The following FILIP1L variants were observed in gnomAD, a reference collection of about 807,000 sequenced individuals.
FILIP1L encodes filamin A interacting protein 1 like, also known as filamin A-interacting protein 1-like.
In FILIP1L, 55 loss-of-function variants were observed where a neutral mutation model predicts 96.6. That is an observed-to-expected ratio of 0.57 (90% CI 0.46 to 0.71). The LOEUF is 0.71. Among genes scored for constraint, FILIP1L ranks in the 30% least tolerant of loss-of-function variants. The pLI is 0.00. For missense variants in FILIP1L, 1,304 were observed against 1,321.2 expected, an observed-to-expected ratio of 0.99 and a Z score of 0.20; for synonymous variants, 467 against 473.9, an observed-to-expected ratio of 0.99 and a Z score of 0.19.
In FILIP1L at chr3:100,106,656, A is replaced by G. The variant is rs1000708161; in HGVS notation, c.-11+7397T>C. On this transcript the variant is annotated intron_variant, in intron 1 of 5. Coordinates refer to ENST00000477258, the MANE Select transcript of FILIP1L (RefSeq NM_001387850.1). ...GGCTGTAGGATCCAGAAGCATATGC[A>G]TGCTCACCTGGCCTAAAGCATGTTG... Among the ~76,000 whole-genome samples the G allele has an allele frequency of 7.6e-4, 115 of 152,182 alleles. 2 individuals carry two copies. The highest frequency in any genetic ancestry group is 7.3e-3 in the Admixed American group (111 of 15,262).
chr3:100,073,289 T>C (rs953550364), intron 1 of FILIP1L, among the ~76,000 whole-genome samples: 3 of 152,216 alleles, frequency 2.0e-5, no homozygotes, highest in Non-Finnish European at 4.4e-5. Flanking sequence ...AACAGAAAAG[T>C]TGAGTTCTTG....
At chr3:100,058,511 T>C (rs1016293371) in intron 1 of FILIP1L, among the ~76,000 whole-genome samples, 1 of 152,248 alleles carries the variant, frequency 6.6e-6, no homozygotes, top group African/African-American at 2.4e-5. Context: ...TCCCGGCAGC[T>C]TGAGATACTC....
chr3:100,101,303 G>A (rs1029181324), intron 1 of FILIP1L, among the ~76,000 whole-genome samples: 11 of 152,154 alleles, frequency 7.2e-5, no homozygotes, highest in African/African-American at 2.4e-4. Context: ...TGAGGAGAGG[G>A]AGTGCATTGA....
At chr3:99,963,621 CT>C (rs1266876956) in intron 1 of FILIP1L, among the ~76,000 whole-genome samples, 1 of 148,104 alleles carries the variant, frequency 6.8e-6, no homozygotes. Context: ...TTTTTTTTTT[CT>C]TTTTTTTTAG....
intron 3 of FILIP1L, among the ~76,000 whole-genome samples, chr3:99,927,749 T>C (rs1435713507): frequency 1.3e-5 from 2 of 152,164 alleles, no homozygotes; most frequent in Non-Finnish European, 2.9e-5. Context: ...AGTTCTGATA[T>C]AGAACCCTAG....
chr3:99,885,335 T>C (rs1348919766), intron 4 of FILIP1L, among the ~76,000 whole-genome samples: 1 of 152,238 alleles, frequency 6.6e-6, no homozygotes, highest in Non-Finnish European at 1.5e-5. Context: ...ACTCTGAGAT[T>C]TATCTTCAAA....
chr3:99,964,213 T>C (rs1478184902), intron 1 of FILIP1L: 2 of 152,322 alleles, frequency 1.3e-5, no homozygotes, highest in Non-Finnish European at 2.9e-5. Context: ...TTCAGTTAGA[T>C]TTAATTTTTA....
At chr3:99,946,680 G>T (rs1321717682) in intron 1 of FILIP1L, among the ~76,000 whole-genome samples, 5 of 152,176 alleles carry the variant, frequency 3.3e-5, no homozygotes, top group African/African-American at 9.7e-5. Flanking sequence ...TTACTTGAAG[G>T]TATTTGAGGG....
At chr3:99,856,126 GCTCTGCTCTGCTC>G (rs1943953444) in intron 4 of FILIP1L, among the ~76,000 whole-genome samples, 2 of 150,360 alleles carry the variant, frequency 1.3e-5, no homozygotes, top group African/African-American at 5.0e-5. Flanking sequence ...GCTCTGCTCT[GCTCTGCTCTGCTC>G]TGTCCTCATA....
intron 4 of FILIP1L, among the ~76,000 whole-genome samples, chr3:99,894,715 C>T (rs1432442712): frequency 6.6e-6 from 1 of 152,096 alleles, no homozygotes; most frequent in African/African-American, 2.4e-5. Context: ...CAGACTAGCA[C>T]AAGGAAGCTT....
Position 99,848,579 on chromosome 3 carries a change from T to C in FILIP1L, c.3097A>G (p.Arg1033Gly). 2 of 1,614,212 alleles carry C rather than the reference T, an allele frequency of 1.2e-6. No individual in the cohort carries two copies. The highest frequency in any genetic ancestry group is 1.7e-6 in the Non-Finnish European group (2 of 1,180,036). The change falls in exon 5 of 6, where the codon AGA becomes GGA. Residue 1033 changes from arginine (R) to glycine (G), a missense_variant. Coordinates refer to ENST00000477258, the MANE Select transcript of FILIP1L (RefSeq NM_001387850.1). ...GATGACTGCCGGTCTGGGGAGACTC[T>C]GAATATCGCATGCTTGGCACTGATT... is the stretch of plus-strand genomic sequence containing the variant. ...TEISAKHAIF[R>G]VSPDRQSSWQ...
chr3:100,018,023 T>C (rs1328053827), intron 1 of FILIP1L, among the ~76,000 whole-genome samples: 2 of 151,944 alleles, frequency 1.3e-5, no homozygotes, highest in African/African-American at 4.8e-5. Context: ...TTGTGCACAG[T>C]GACCAATATG....
At chr3:100,022,474 A>G (rs1054801531) in intron 1 of FILIP1L, among the ~76,000 whole-genome samples, 1 of 152,230 alleles carries the variant, frequency 6.6e-6, no homozygotes, top group African/African-American at 2.4e-5. Flanking sequence ...ATCCCATTAC[A>G]GAAACAGCAT....
intron 4 of FILIP1L, among the ~76,000 whole-genome samples, chr3:99,889,169 T>G (rs1706004898): frequency 6.6e-6 from 1 of 152,170 alleles, no homozygotes; most frequent in African/African-American, 2.4e-5. Context: ...CTGATTTTTA[T>G]CTGCTTGGTT....
chr3:100,109,332 A>G (rs1209380969), intron 1 of FILIP1L, among the ~76,000 whole-genome samples: 1 of 152,186 alleles, frequency 6.6e-6, no homozygotes, highest in Non-Finnish European at 1.5e-5. Context: ...ACAATAAGGT[A>G]TGCTTTACAT....
intron 1 of FILIP1L, among the ~76,000 whole-genome samples, chr3:100,064,186 T>C (rs1244498667): frequency 6.6e-6 from 1 of 152,216 alleles, no homozygotes; most frequent in Non-Finnish European, 1.5e-5. Context: ...ATTGTGGGGT[T>C]GTCTTCCGGG....
intron 1 of FILIP1L, among the ~76,000 whole-genome samples, chr3:100,107,101 G>A (rs1015831015): frequency 6.6e-6 from 1 of 152,058 alleles, no homozygotes; most frequent in Non-Finnish European, 1.5e-5. Context: ...AGGTACAGGT[G>A]AAAATCTTTA....
intron 1 of FILIP1L, among the ~76,000 whole-genome samples, chr3:99,978,048 A>G (rs1278734643): frequency 6.6e-6 from 1 of 152,218 alleles, no homozygotes; most frequent in African/African-American, 2.4e-5. Flanking sequence ...CATTCTTTAC[A>G]TAAAACAAGC....
At chr3:99,835,592 G>A (rs1190349721) in intron 5 of FILIP1L, among the ~76,000 whole-genome samples, 1 of 152,120 alleles carries the variant, frequency 6.6e-6, no homozygotes, top group Non-Finnish European at 1.5e-5. Context: ...TCCCTGCAGT[G>A]GGAATTAATA....
Sources: gnomAD v4.1 joint callset for allele counts (sites outside exome capture counted in the v4.1 genomes callset) on GRCh38, gnomAD v4.1.1 for gene constraint, MANE v1.5 for transcripts, NCBI Gene and HGNC (gene_info 2026-07-23, HGNC 2026-07-21) for gene names.